The following TRIM34 variants were observed in gnomAD, a reference collection of about 807,000 sequenced individuals.
TRIM34 encodes the protein E3 ubiquitin-protein ligase TRIM34.
In TRIM34, 41 loss-of-function variants were observed where a neutral mutation model predicts 38.1. The ratio of observed to expected loss-of-function variants is 1.08; its 90% CI spans 0.84 to 1.40. The LOEUF is 1.40. TRIM34 is among the 40% of genes most tolerant of loss of function. The pLI, the probability that TRIM34 is intolerant of heterozygous loss-of-function variation, is 0.00. For missense variants in TRIM34, 556 were observed against 571.4 expected (o/e 0.97, Z 0.27); for synonymous variants, 200 against 202.5 (o/e 0.99, Z 0.10).
Position 5,632,888 on chromosome 11 carries a change from G to T in TRIM34, c.423+134G>T, listed in dbSNP as rs1329952327. 19 of 1,240,198 alleles carry T rather than the reference G, an allele frequency of 1.5e-5. No individual in the cohort carries two copies. In the East Asian group the frequency reaches 4.7e-4, roughly 31 times the overall value. The allele number at this position is 1,240,198 out of a possible 1,614,324, so 76.8% of individuals were successfully genotyped here. ...GTCGCCCAGGCTGGAGTGCAGTGGC[G>T]TGCTCTCGGCTCACTGCAACCTCTG... On this transcript the variant is annotated intron_variant, in intron 2 of 7. Transcript: ENST00000429814.
At position 5,633,736 on chromosome 11, in the gene TRIM34, C is replaced by T. The variant is rs543569269; in HGVS notation, c.424-68C>T. The stretch of plus-strand genomic sequence containing the variant: ...TTCTGGGATCAACTTGATTTTTTCC[C>T]TGTTTGTCCTCTATCCAGATACTAA... On this transcript the variant is annotated intron_variant, in intron 2 of 7. Transcript: ENST00000429814. 2.8e-5 allele frequency: 41 copies of T among 1,465,872 alleles called. No individual in the cohort carries two copies. The East Asian group carries it at 7.0e-4, about 25-fold the overall frequency. The allele number at this position is 1,465,872 out of a possible 1,614,324, so 90.8% of individuals were successfully genotyped here.
intron 3 of TRIM34, 101 bp from the exon 4 acceptor site, chr11:5,634,530 C>CACACACACACACACATAT (rs1491498839): frequency 5.2e-4 from 135 of 262,004 alleles, no homozygotes; most frequent in African/African-American, 4.0e-3. Flanking sequence ...CACACACACA[C>CACACACACACACACATAT]ATATATATAT....
intron 4 of TRIM34, among the ~76,000 whole-genome samples, chr11:5,635,854 G>C (rs1849712754): frequency 6.6e-6 from 1 of 151,970 alleles, no homozygotes. Context: ...ACACTCATTA[G>C]TATGGCTATA....
At chr11:5,622,937 C>T (rs1849043892), upstream of TRIM34, among the ~76,000 whole-genome samples, 1 of 152,156 alleles carries the variant, frequency 6.6e-6, no homozygotes, top group African/African-American at 2.4e-5. Flanking sequence ...TGTGAGACAT[C>T]AATCAATATA....
intron 1 of TRIM34, among the ~76,000 whole-genome samples, chr11:5,629,268 C>A (rs1346299659): frequency 6.6e-6 from 1 of 151,820 alleles, no homozygotes; most frequent in East Asian, 1.9e-4. Flanking sequence ...CAGAGCGAAA[C>A]TCCATCTCAA....
chr11:5,641,096 T>G, intron 4 of TRIM34, 71 bp from the exon 5 acceptor site: 1 of 1,529,172 alleles, frequency 6.5e-7, no homozygotes, highest in Non-Finnish European at 8.8e-7. Context: ...TTTCCTACTG[T>G]TCTTCTTTCT....
At chr11:5,625,784 C>G (rs1389235407) in intron 1 of TRIM34, among the ~76,000 whole-genome samples, 1 of 152,242 alleles carries the variant, frequency 6.6e-6, no homozygotes, top group Admixed American at 6.5e-5. Flanking sequence ...CCATGTGCTA[C>G]CAGCGTCTTC....
chr11:5,643,754 C>T lies in TRIM34; in HGVS notation c.*45C>T, dbSNP rs1179456517. The T allele has an allele frequency of 2.0e-6, 3 of 1,529,684 alleles. No individual in the cohort carries two copies. Among genetic ancestry groups the T allele is most frequent in the African/African-American group, 1.4e-5 (1 of 72,082 alleles). The allele number at this position is 1,529,684 out of a possible 1,614,324, so 94.8% of individuals were successfully genotyped here. A position where few individuals can be genotyped will look rare whatever the true frequency, so the allele number is the denominator to read the frequency against. On this transcript the variant is annotated 3_prime_UTR_variant, in exon 8 of 8. Coordinates refer to ENST00000429814, the MANE Select transcript of TRIM34 (RefSeq NM_021616.6). ...TACAACCCTTTGTCTTGACTTATCT[C>T]CTGCAACTGACTCATCTGCAACATT...
intron 1 of TRIM34, among the ~76,000 whole-genome samples, chr11:5,625,814 C>T (rs1057244451): frequency 1.3e-5 from 2 of 152,208 alleles, no homozygotes; most frequent in African/African-American, 4.8e-5. Context: ...AGAACTTGCT[C>T]CTCATCATTC....
Position 5,633,846 on chromosome 11 carries a change from G to C in TRIM34, c.466G>C (p.Glu156Gln), listed in dbSNP as rs985070085. 6 of 1,613,992 alleles carry C rather than the reference G, an allele frequency of 3.7e-6. No homozygotes were observed. In the African/African-American group the frequency reaches 5.3e-5, roughly 14 times the overall value. The change falls in exon 3 of 8, where the codon GAG becomes CAG. Residue 156 changes from glutamate (E) to glutamine (Q), a missense_variant. By Grantham distance (29) the Glu-to-Gln change is conservative (BLOSUM62 2). Coordinates refer to ENST00000429814, the MANE Select transcript of TRIM34 (RefSeq NM_021616.6). The stretch of plus-strand genomic sequence containing the variant: ...CCTCAAGAGGCTGAAGAAGGAAGAG[G>C]AGGAAGCTGAGAAGCTGGAAGCTGA... Reference protein sequence around the residue: ...AVLKRLKKEEEEAEKLEADIR... With the variant: ...AVLKRLKKEEQEAEKLEADIR...
chr11:5,640,569 A>G (rs1849963395), intron 4 of TRIM34, among the ~76,000 whole-genome samples: 1 of 151,988 alleles, frequency 6.6e-6, no homozygotes, highest in Non-Finnish European at 1.5e-5. Context: ...TTGTATTTAT[A>G]TTTATAAGAG....
At position 5,643,252 on chromosome 11, in the gene TRIM34, G is replaced by A; in HGVS notation, c.1010G>A (p.Gly337Asp). 1 of 1,613,840 alleles carries A rather than the reference G, an allele frequency of 6.2e-7. No individual in the cohort carries two copies. The highest frequency in any genetic ancestry group is 1.1e-5 in the South Asian group (1 of 91,058). ...TGGCCTTTTCAGTGTTATAATTATG[G>A]TGTCTTGGGATCCCAATATTTCTCC... ...PIWPFQCYNYGVLGSQYFSSG... is the reference protein window; with the variant it reads ...PIWPFQCYNYDVLGSQYFSSG... Residue 337 changes from glycine (G) to aspartate (D), a missense_variant, in exon 8 of 8, where the codon GGT becomes GAT. By Grantham distance (94) the Gly-to-Asp change is moderately conservative (BLOSUM62 -1). Coordinates refer to ENST00000429814, the MANE Select transcript of TRIM34 (RefSeq NM_021616.6).
chr11:5,634,598 C>T, intron 3 of TRIM34, 33 bp from the exon 4 acceptor site: 1 of 1,587,934 alleles, frequency 6.3e-7, no homozygotes. Flanking sequence ...GCCTGACAAA[C>T]TTACTACAAC....
At chr11:5,621,419 G>A (rs756943744), upstream of TRIM34, among the ~76,000 whole-genome samples, 2 of 152,248 alleles carry the variant, frequency 1.3e-5, no homozygotes, top group Non-Finnish European at 2.9e-5. Context: ...AGCCACTCCT[G>A]TTTACATAGA....
intron 4 of TRIM34, among the ~76,000 whole-genome samples, chr11:5,635,394 A>G (rs1849692888): frequency 6.6e-6 from 1 of 151,772 alleles, no homozygotes; most frequent in Non-Finnish European, 1.5e-5. Flanking sequence ...AGCTGGGACT[A>G]CAGGCACCCA....
At chr11:5,623,003 A>C (rs1356113352), upstream of TRIM34, among the ~76,000 whole-genome samples, 1 of 152,162 alleles carries the variant, frequency 6.6e-6, no homozygotes, top group South Asian at 2.1e-4. Flanking sequence ...TCATAGGTAG[A>C]TAAAAGACAA....
At chr11:5,633,150 T>TC (rs1564885289) in intron 2 of TRIM34, among the ~76,000 whole-genome samples, 4 of 144,058 alleles carry the variant, frequency 2.8e-5, no homozygotes, top group African/African-American at 7.6e-5. Flanking sequence ...TTCTTTCTTT[T>TC]TTTTTTTTTT....
intron 4 of TRIM34, among the ~76,000 whole-genome samples, chr11:5,639,609 G>A (rs1368679861): frequency 6.7e-6 from 1 of 148,234 alleles, no homozygotes; most frequent in Non-Finnish European, 1.5e-5. Flanking sequence ...GAACCGGGGA[G>A]GTGGAGGTTG....
In TRIM34 at chr11:5,627,237, G is replaced by A. The variant is rs369985431; in HGVS notation, c.-78+2177G>A. 1.2e-3 allele frequency among the ~76,000 whole-genome samples: 182 copies of A among 152,048 alleles called. 2 individuals carry two copies. In the Middle Eastern group the frequency reaches 0.024, roughly 20 times the overall value. ...TCTACTAAAAATACAAAAATTAGCT[G>A]GGCGTTGTGGCAGGCACCTGTAATC... On this transcript the variant is annotated intron_variant, in intron 1 of 7. Transcript: ENST00000429814.
Sources: allele counts gnomAD v4.1 joint callset (sites outside exome capture counted in the v4.1 genomes callset), GRCh38; gene constraint gnomAD v4.1.1; transcripts MANE v1.5; gene names NCBI Gene and HGNC (gene_info 2026-07-23, HGNC 2026-07-21).